NLRP11: variants seen among roughly 807,000 people sequenced by gnomAD.
NLRP11 encodes the protein NLR family pyrin domain containing 11, also known as NACHT, LRR and PYD domains-containing protein 11.
NLRP11 carries 53 observed loss-of-function variants against 79.3 expected under a neutral mutation model. The ratio of observed to expected loss-of-function variants is 0.67; its 90% CI spans 0.54 to 0.84. NLRP11 has a LOEUF of 0.84. Ranked by LOEUF, NLRP11 falls within the 40% of genes least tolerant of loss-of-function variation. The pLI is 0.00. For synonymous variants in NLRP11, 518 were observed against 462.6 expected, an observed-to-expected ratio of 1.12 and a Z score of -1.54; for missense variants, 1,264 against 1,255.0, an observed-to-expected ratio of 1.01 and a Z score of -0.11.
chr19:55,808,578 G>T (rs181371237), intron 3 of NLRP11, among the ~76,000 whole-genome samples, 191 bp downstream of exon 3: 629 of 152,258 alleles, frequency 4.1e-3, no homozygotes, highest in Admixed American at 8.2e-3. Context: ...AACTTCAACA[G>T]TGCTGAGGTT....
At chr19:55,786,286 G>A (rs1186454716) in intron 9 of NLRP11, among the ~76,000 whole-genome samples, 1 of 152,192 alleles carries the variant, frequency 6.6e-6, no homozygotes, top group East Asian at 1.9e-4. Context: ...CACTTTGGGA[G>A]GCTGAGGCAG....
In NLRP11 at chr19:55,808,990, C is replaced by T. The variant is rs754117152; in HGVS notation, c.1620G>A (p.Thr540=). The change falls in exon 3 of 10, where the codon ACG becomes ACA. Residue 540 remains threonine (T), a synonymous_variant. Coordinates refer to ENST00000589093, the Ensembl canonical transcript of NLRP11. ...GACAGTAAAACAAAGGCATATGGTGCGTCAACTTTTCCGGGTCACGGTCCA... is the reference window on the plus strand; with the variant it reads ...GACAGTAAAACAAAGGCATATGGTGTGTCAACTTTTCCGGGTCACGGTCCA... 2.2e-5 allele frequency: 36 copies of T among 1,613,916 alleles called. 1 individual carries two copies. The highest frequency in any genetic ancestry group is 1.3e-4 in the African/African-American group (10 of 74,900).
upstream of NLRP11, among the ~76,000 whole-genome samples, chr19:55,836,106 C>G (rs8109389): frequency 0.48 from 72,719 of 152,102 alleles, 19,568 homozygotes; most frequent in African/African-American, 0.73. Context: ...CCTGGGTGAC[C>G]GAGTGAGACC....
rs1327419736 is a variant in NLRP11, at chr19:55,809,272, G to T, written c.1338C>A (p.Tyr446Ter). The change falls in exon 3 of 10, where the codon TAC becomes TAA. Residue 446 changes from tyrosine to a stop codon, truncating the protein, a stop_gained. Transcript: ENST00000589093. LOFTEE classifies it high-confidence loss of function. This position sits in a 1 kb window ranked among gnomAD's most constrained non-coding sequence, Gnocchi z 4.5. ...CCTGGACGTTCAAGTGTATGAACTT[G>T]TAACGGTCTTTATGAGTGTTGCTCG... 1 of 1,614,046 alleles carries T rather than the reference G, an allele frequency of 6.2e-7. No individual in the cohort carries two copies. Among genetic ancestry groups the T allele is most frequent in the Admixed American group, 1.7e-5 (1 of 60,012 alleles).
intron 6 of NLRP11, among the ~76,000 whole-genome samples, chr19:55,795,340 T>C (rs1233380938): frequency 6.6e-6 from 1 of 151,734 alleles, no homozygotes; most frequent in African/African-American, 2.4e-5. Context: ...AACCTTTCCT[T>C]TGCTTTCGTC....
At chr19:55,794,778 AAAG>A (rs1978653845) in intron 6 of NLRP11, among the ~76,000 whole-genome samples, 2 of 152,198 alleles carry the variant, frequency 1.3e-5, no homozygotes, top group Non-Finnish European at 2.9e-5. Flanking sequence ...AAAATAAATA[AAAG>A]CATACATAAT....
chr19:55,798,970 C>T (rs541753292), intron 5 of NLRP11, among the ~76,000 whole-genome samples: 1 of 152,282 alleles, frequency 6.6e-6, no homozygotes, highest in Non-Finnish European at 1.5e-5. Context: ...GAAAATTTGT[C>T]TAAGCCAGGC....
chr19:55,828,240 G>A (rs1982413444), intron 1 of NLRP11, among the ~76,000 whole-genome samples: 1 of 149,696 alleles, frequency 6.7e-6, no homozygotes, highest in African/African-American at 2.5e-5. Context: ...CACAGGAAAG[G>A]GAATATCACA....
At chr19:55,817,824 A>G in intron 2 of NLRP11, 80 bp downstream of exon 2, 12 of 1,120,060 alleles carry the variant, frequency 1.1e-5, no homozygotes, top group African/African-American at 4.7e-5. Context: ...TATTTAGAAA[A>G]AAAAAAAAAA....
chr19:55,833,529 G>C (rs1000823940), upstream of NLRP11, among the ~76,000 whole-genome samples: 1 of 151,930 alleles, frequency 6.6e-6, no homozygotes, highest in Non-Finnish European at 1.5e-5. Flanking sequence ...ACTTTGGGAG[G>C]CTGAAGCGGG....
At chr19:55,803,188 A>G (rs1028487024) in intron 4 of NLRP11, among the ~76,000 whole-genome samples, 3 of 152,144 alleles carry the variant, frequency 2.0e-5, no homozygotes, top group African/African-American at 7.2e-5. Context: ...CTCTACTAAA[A>G]ACACAAAAAT....
chr19:55,796,313 T>TAAAAAAAA (rs35540760), intron 5 of NLRP11, 63 bp from the exon 6 acceptor site: 1 of 1,013,222 alleles, frequency 9.9e-7, no homozygotes, highest in Non-Finnish European at 1.4e-6. Context: ...TCTTTTAAAT[T>TAAAAAAAA]AAAAAAAAAA....
rs1176141168 is a variant in NLRP11 at position 55,823,049 on chromosome 19, C to T, written c.-62-4813G>A. ...TTGAAGAGAGCAGTGGTTCTCCCAG[C>T]ACGCAGCTGGAGATCTGAGAACCAG... On this transcript the variant is annotated intron_variant, in intron 1 of 9. Coordinates refer to ENST00000589093, the Ensembl canonical transcript of NLRP11. 9.4e-5 allele frequency among the ~76,000 whole-genome samples: 14 copies of T among 149,016 alleles called. No individual in the cohort carries two copies. In the South Asian group the frequency reaches 1.3e-3, roughly 13 times the overall value.
chr19:55,807,546 C>G (rs1980116370), intron 4 of NLRP11, among the ~76,000 whole-genome samples: 1 of 152,018 alleles, frequency 6.6e-6, no homozygotes, highest in African/African-American at 2.4e-5. Context: ...AGAAGTGATA[C>G]AAGAAAGAGT....
intron 2 of NLRP11, among the ~76,000 whole-genome samples, chr19:55,817,290 G>C (rs1012867567): frequency 6.6e-6 from 1 of 152,148 alleles, no homozygotes; most frequent in Non-Finnish European, 1.5e-5. Flanking sequence ...ACTAAAAGTA[G>C]AACGACCATT....
At chr19:55,796,977 C>T (rs1052994248) in intron 5 of NLRP11, among the ~76,000 whole-genome samples, 4 of 152,202 alleles carry the variant, frequency 2.6e-5, no homozygotes, top group Admixed American at 6.5e-5. Context: ...GCATGAGCCA[C>T]TGTGTCCGGT....
chr19:55,818,106 A>C, exon 2 of NLRP11: 1 of 1,614,066 alleles, frequency 6.2e-7, no homozygotes, highest in Non-Finnish European at 8.5e-7. Context: ...TAAAACTCTG[A>C]AATTCCTTGT....
intron 2 of NLRP11, among the ~76,000 whole-genome samples, chr19:55,813,651 A>G (rs907000192): frequency 1.3e-5 from 2 of 152,208 alleles, no homozygotes; most frequent in Non-Finnish European, 2.9e-5. Context: ...GCAGGTGAGC[A>G]TGTACCTCAT....
intron 1 of NLRP11, among the ~76,000 whole-genome samples, chr19:55,823,098 C>T (rs1170858784): frequency 1.4e-5 from 2 of 147,210 alleles, no homozygotes; most frequent in African/African-American, 2.6e-5. Flanking sequence ...CAAGTGGGTC[C>T]CTGACCCCTG....
Sources: allele counts gnomAD v4.1 joint callset (sites outside exome capture counted in the v4.1 genomes callset), GRCh38; gene constraint gnomAD v4.1.1; non-coding constraint Gnocchi (gnomAD v3.1); transcripts MANE v1.5; gene names NCBI Gene and HGNC (gene_info 2026-07-23, HGNC 2026-07-21).